Variants in OR6C3 observed in about 807,000 individuals in gnomAD.
OR6C3 encodes olfactory receptor 6C3.
For synonymous variants in OR6C3, 177 were observed against 137.4 expected, an observed-to-expected ratio of 1.29 and a Z score of -2.02; for missense variants, 487 against 364.6, an observed-to-expected ratio of 1.34 and a Z score of -2.73.
Position 55,332,624 on chromosome 12 carries a change from T to A in OR6C3, c.924T>A (p.Tyr308Ter), listed in dbSNP as rs1487331131. ...FKNVVHKVVF[Y>*]ANQ ...ATGTGGTCCACAAAGTTGTGTTTTA[T>A]GCAAATCAATGAATTTTTGGTCAAA... Residue 308 changes from tyrosine to a stop codon, truncating the protein, a stop_gained, in exon 2 of 2, where the codon TAT becomes TAA. Transcript: ENST00000641740. LOFTEE classifies it high-confidence loss of function. 1 of 1,565,446 alleles carries A rather than the reference T, an allele frequency of 6.4e-7. No individual in the cohort carries two copies. Among genetic ancestry groups the A allele is most frequent in the Non-Finnish European group, 8.6e-7 (1 of 1,163,500 alleles).
At position 55,331,728 on chromosome 12, in the gene OR6C3, G is replaced by A; in HGVS notation, c.28G>A (p.Val10Ile). Residue 10 changes from valine to isoleucine, a missense_variant, in exon 2 of 2, where the codon GTC (valine) becomes ATC (isoleucine). Transcript: ENST00000641740. MNHTMVTEFVLLGLSDDPDL... is the reference protein window; with the variant it reads MNHTMVTEFILLGLSDDPDL... ...GAACCACACAATGGTCACAGAGTTT[G>A]TCCTCCTGGGCCTTTCTGATGATCC... 6.2e-7 allele frequency: 1 copy of A among 1,613,296 alleles called. No individual in the cohort carries two copies. The highest frequency in any genetic ancestry group is 1.7e-4 in the Middle Eastern group (1 of 6,056).
In OR6C3 at chr12:55,331,956, A is replaced by ACTATTTCCT; in HGVS notation, c.256_257insCTATTTCCT (p.Asn86delinsThrIleSerTyr). On this transcript the variant is annotated protein_altering_variant, in exon 2 of 2. Coordinates refer to ENST00000641740, the MANE Select transcript of OR6C3 (RefSeq NM_001388498.1). The stretch of plus-strand genomic sequence containing the variant: ...ATTTCTGGGGGCAATTATCACCAGG[A>ACTATTTCCT]ATAAGACTATTTCCTATAACAACTG... 6.2e-7 allele frequency: 1 copy of ACTATTTCCT among 1,614,170 alleles called. No homozygotes were observed. Among genetic ancestry groups the ACTATTTCCT allele is most frequent in the Non-Finnish European group, 8.5e-7 (1 of 1,180,036 alleles).
chr12:55,331,337 A>T (rs1439510648), intron 1 of OR6C3, among the ~76,000 whole-genome samples: 3 of 152,012 alleles, frequency 2.0e-5, no homozygotes, highest in East Asian at 3.9e-4. Context: ...TGTATGTTTC[A>T]TGTGATTGTT....
At chr12:55,330,198 C>T (rs546226635), upstream of OR6C3, 48 of 152,264 alleles carry the variant, frequency 3.2e-4, no homozygotes, top group African/African-American at 1.0e-3. Flanking sequence ...CAGAATCTAA[C>T]TCATAATATC....
chr12:55,331,177 T>A (rs1868829584), intron 1 of OR6C3, among the ~76,000 whole-genome samples: 1 of 151,688 alleles, frequency 6.6e-6, no homozygotes. Flanking sequence ...TTGCTAAAAA[T>A]CTTTAATTGG....
chr12:55,332,367 T>C lies in OR6C3; in HGVS notation c.667T>C (p.Leu223=). Residue 223 remains leucine (L), a synonymous_variant, in exon 2 of 2, where the codon TTG becomes CTG. Transcript: ENST00000641740. ...TTACATGTACATTATCAGGACCATT[T>C]TGAGAATCCCGTCTGCCAGTCAAAG... The part of the protein sequence containing the change: ...LSYMYIIRTI[L]RIPSASQRKK... The C allele has an allele frequency of 6.2e-7, 1 of 1,614,190 alleles. No individual in the cohort carries two copies. The highest frequency in any genetic ancestry group is 1.1e-5 in the South Asian group (1 of 91,086).
Position 55,332,542 on chromosome 12 carries a change from T to C in OR6C3, c.842T>C (p.Met281Thr), listed in dbSNP as rs149472899. Residue 281 changes from methionine (M) to threonine (T), a missense_variant, in exon 2 of 2, where the codon ATG (methionine) becomes ACG (threonine). Coordinates refer to ENST00000641740, the MANE Select transcript of OR6C3 (RefSeq NM_001388498.1). ...IAILNTSVAP[M>T]LNPFIYTLRN... ...ATTCTCAATACATCTGTTGCCCCCA[T>C]GCTGAACCCCTTCATTTACACTCTG... is the stretch of plus-strand genomic sequence containing the variant. The C allele has an allele frequency of 8.1e-6, 13 of 1,613,532 alleles. No individual in the cohort carries two copies. In the African/African-American group the frequency reaches 1.6e-4, roughly 20 times the overall value.
In OR6C3 at chr12:55,331,832, C is replaced by A; in HGVS notation, c.132C>A (p.Thr44=). Residue 44 remains threonine (T), a synonymous_variant, in exon 2 of 2, where the codon ACC becomes ACA. Coordinates refer to ENST00000641740, the MANE Select transcript of OR6C3 (RefSeq NM_001388498.1). ...LSVTGNLTII[T]LTFVDSHLQT... Reference sequence around the variant, plus strand: ...TTACTGGAAACCTGACTATCATCACCCTAACCTTTGTGGACTCCCATCTGC... The same window carrying A: ...TTACTGGAAACCTGACTATCATCACACTAACCTTTGTGGACTCCCATCTGC... The A allele has an allele frequency of 1.2e-6, 2 of 1,613,882 alleles. No individual in the cohort carries two copies. Among genetic ancestry groups the A allele is most frequent in the South Asian group, 2.2e-5 (2 of 91,064 alleles).
In OR6C3 at chr12:55,331,854, C is replaced by T. The variant is rs1312457494; in HGVS notation, c.154C>T (p.Leu52=). The T allele has an allele frequency of 1.9e-6, 3 of 1,613,996 alleles. No homozygotes were observed. Among genetic ancestry groups the T allele is most frequent in the Non-Finnish European group, 2.5e-6 (3 of 1,179,992 alleles). The stretch of plus-strand genomic sequence containing the variant: ...CACCCTAACCTTTGTGGACTCCCAT[C>T]TGCAGACACCTATGTATTTCTTCCT... ...IITLTFVDSH[L]QTPMYFFLRN... is the part of the protein sequence containing the mutation. The change falls in exon 2 of 2, where the codon CTG becomes TTG. Residue 52 remains leucine (L), a synonymous_variant. Transcript: ENST00000641740.
At position 55,331,990 on chromosome 12, in the gene OR6C3, A is replaced by G; in HGVS notation, c.290A>G (p.Gln97Arg). ...KTISYNNCAA[Q>R]LFFFIFMGVT... ...ATTTCCTATAACAACTGTGCAGCCC[A>G]ACTCTTTTTCTTTATCTTCATGGGG... The change falls in exon 2 of 2, where the codon CAA becomes CGA. Residue 97 changes from glutamine (Q) to arginine (R), a missense_variant. By Grantham distance (43) the Gln-to-Arg change is conservative. Transcript: ENST00000641740. The G allele has an allele frequency of 6.2e-7, 1 of 1,614,126 alleles. No homozygotes were observed. The highest frequency in any genetic ancestry group is 8.5e-7 in the Non-Finnish European group (1 of 1,180,030).
chr12:55,331,594 A>T (rs780043354), intron 1 of OR6C3, 63 bp from the exon 2 acceptor site: 15 of 681,504 alleles, frequency 2.2e-5, no homozygotes, highest in Non-Finnish European at 3.5e-5. Flanking sequence ...TATATGGATC[A>T]TGATGAATTA....
In OR6C3 at chr12:55,332,193, T is replaced by A. The variant is rs780544614; in HGVS notation, c.493T>A (p.Tyr165Asn). The A allele has an allele frequency of 6.2e-7, 1 of 1,614,062 alleles. No homozygotes were observed. Among genetic ancestry groups the A allele is most frequent in the Non-Finnish European group, 8.5e-7 (1 of 1,180,016 alleles). Residue 165 changes from tyrosine (Y) to asparagine (N), a missense_variant, in exon 2 of 2, where the codon TAC becomes AAC. Coordinates refer to ENST00000641740, the MANE Select transcript of OR6C3 (RefSeq NM_001388498.1). ...PPLMLLLQLD[Y>N]CASNVIDHFA... ...CCTTATGCTTCTCCTCCAGCTGGATTACTGTGCTTCCAACGTCATTGATCA... is the reference window on the plus strand; with the variant it reads ...CCTTATGCTTCTCCTCCAGCTGGATAACTGTGCTTCCAACGTCATTGATCA...
At chr12:55,331,578 G>C (rs1221522908) in intron 1 of OR6C3, 79 bp from the exon 2 acceptor site, 3 of 614,456 alleles carry the variant, frequency 4.9e-6, no homozygotes, top group Non-Finnish European at 8.4e-6. Context: ...GAATTGTATT[G>C]ATAATTATAT....
rs764710105 is a variant in OR6C3, at chr12:55,332,524, A to G, written c.824A>G (p.Asn275Ser). Residue 275 changes from asparagine to serine, a missense_variant, in exon 2 of 2, where the codon AAT becomes AGT. Transcript: ENST00000641740. ...TTGACAAAAGGAATAGCTATTCTCA[A>G]TACATCTGTTGCCCCCATGCTGAAC... The part of the protein sequence containing the change: ...ASLTKGIAIL[N>S]TSVAPMLNPF... The G allele has an allele frequency of 5.6e-6, 9 of 1,613,854 alleles. No homozygotes were observed. The highest frequency in any genetic ancestry group is 1.6e-4 in the Middle Eastern group (1 of 6,062).
chr12:55,332,439 A>G lies in OR6C3; in HGVS notation c.739A>G (p.Ile247Val), dbSNP rs762858013. Residue 247 changes from isoleucine to valine, a missense_variant, in exon 2 of 2, where the codon ATT becomes GTT. Transcript: ENST00000641740. The part of the protein sequence containing the change: ...TCSSHMIVIS[I>V]SYGSCIFMYA... The stretch of plus-strand genomic sequence containing the variant: ...TTCTTCTCACATGATTGTCATTTCC[A>G]TTTCTTATGGAAGCTGTATATTCAT... The G allele has an allele frequency of 2.3e-5, 37 of 1,613,896 alleles. No homozygotes were observed. In the South Asian group the frequency reaches 3.8e-4, roughly 17 times the overall value.
Position 55,331,785 on chromosome 12 carries a change from TTTATCACGTATATA to T in OR6C3, c.89_102del (p.Ile30LysfsTer53). ...TCAGATTGTGATTTTTCTCTTTTTA[TTTATCACGTATATA>T]TTAAGTGTTACTGGAAACCTGACTA... is the stretch of plus-strand genomic sequence containing the variant. On this transcript the variant is annotated frameshift_variant, in exon 2 of 2. Coordinates refer to ENST00000641740, the MANE Select transcript of OR6C3 (RefSeq NM_001388498.1). LOFTEE classifies it low-confidence loss of function (END_TRUNC). The T allele has an allele frequency of 3.1e-6, 5 of 1,613,786 alleles. No individual in the cohort carries two copies. Among genetic ancestry groups the T allele is most frequent in the Non-Finnish European group, 4.2e-6 (5 of 1,179,690 alleles).
intron 1 of OR6C3, 51 bp from the exon 2 acceptor site, chr12:55,331,606 A>G: frequency 1.4e-6 from 1 of 740,082 alleles, no homozygotes; most frequent in Non-Finnish European, 2.2e-6. Flanking sequence ...GATGAATTAT[A>G]TCTTTTATCT....
At chr12:55,330,739 G>A (rs1005278569), upstream of OR6C3, 3 of 152,170 alleles carry the variant, frequency 2.0e-5, no homozygotes, top group African/African-American at 7.2e-5. Flanking sequence ...GTAAAGCTCT[G>A]AAAGGAAGAT....
Position 55,331,982 on chromosome 12 carries a change from T to C in OR6C3, c.282T>C (p.Cys94=), listed in dbSNP as rs747621096. The C allele has an allele frequency of 2.5e-6, 4 of 1,614,208 alleles. No individual in the cohort carries two copies. Among genetic ancestry groups the C allele is most frequent in the African/African-American group, 1.3e-5 (1 of 75,052 alleles). ...ATAAGACTATTTCCTATAACAACTG[T>C]GCAGCCCAACTCTTTTTCTTTATCT... The part of the protein sequence containing the change: ...TRNKTISYNN[C]AAQLFFFIFM... Residue 94 remains cysteine, a synonymous_variant, in exon 2 of 2, where the codon TGT becomes TGC. Coordinates refer to ENST00000641740, the MANE Select transcript of OR6C3 (RefSeq NM_001388498.1).
Sources: allele counts gnomAD v4.1 joint callset (sites outside exome capture counted in the v4.1 genomes callset), GRCh38; gene constraint gnomAD v4.1.1; transcripts MANE v1.5; gene names NCBI Gene and HGNC (gene_info 2026-07-23, HGNC 2026-07-21).